Variants in LAPTM4B observed in about 807,000 individuals in gnomAD.
LAPTM4B encodes lysosomal-associated transmembrane protein 4B.
LAPTM4B carries 26 observed loss-of-function variants against 28.5 expected under a neutral mutation model. That is an observed-to-expected ratio of 0.91 (90% CI 0.67 to 1.27). The LOEUF is 1.27. Ranked by LOEUF, LAPTM4B falls within the 50% of genes most tolerant of loss-of-function variation. The pLI, the probability that LAPTM4B is intolerant of heterozygous loss-of-function variation, is 0.00. For missense variants in LAPTM4B, 288 were observed against 285.8 expected, an observed-to-expected ratio of 1.01 and a Z score of -0.06; for synonymous variants, 109 against 106.4, an observed-to-expected ratio of 1.02 and a Z score of -0.15.
intron 4 of LAPTM4B, 23 bp downstream of exon 4, chr8:97,816,203 C>A: frequency 6.3e-7 from 1 of 1,581,502 alleles, no homozygotes; most frequent in South Asian, 1.2e-5. Flanking sequence ...CTTACTGCTC[C>A]TTTTCATTAA....
chr8:97,818,579 AG>A (rs1816957702), intron 4 of LAPTM4B, among the ~76,000 whole-genome samples: 2 of 152,320 alleles, frequency 1.3e-5, no homozygotes, highest in South Asian at 4.1e-4. Context: ...CCACCCTGGA[AG>A]TACTTGCTAG....
rs75965377 is a variant in LAPTM4B at position 97,783,984 on chromosome 8, A to G, written c.99+7876A>G. On this transcript the variant is annotated intron_variant, in intron 1 of 6. Transcript: ENST00000521545. Reference sequence around the variant, plus strand: ...CTTCAGAAGTTGTAGAAGGGGGAGAATTTTCTTCACCCCTTCACAAGCCTG... The same window carrying G: ...CTTCAGAAGTTGTAGAAGGGGGAGAGTTTTCTTCACCCCTTCACAAGCCTG... Among the ~76,000 whole-genome samples, 861 of 152,130 alleles carry G rather than the reference A, an allele frequency of 5.7e-3. 28 individuals carry two copies. In the East Asian group the frequency reaches 0.079, roughly 14 times the overall value.
intron 1 of LAPTM4B, among the ~76,000 whole-genome samples, chr8:97,805,146 G>C (rs918796528): frequency 6.6e-6 from 1 of 152,120 alleles, no homozygotes; most frequent in Non-Finnish European, 1.5e-5. Context: ...TTGTGCACTT[G>C]GCTGCAACTG....
intron 6 of LAPTM4B, among the ~76,000 whole-genome samples, chr8:97,849,831 C>T (rs1817494050): frequency 6.6e-6 from 1 of 151,708 alleles, no homozygotes; most frequent in Non-Finnish European, 1.5e-5. Flanking sequence ...TGCCCGCCCC[C>T]GGTTCCTGTG....
intron 1 of LAPTM4B, among the ~76,000 whole-genome samples, chr8:97,789,003 ATTTTTT>A (rs1228247555): frequency 1.3e-5 from 2 of 150,976 alleles, no homozygotes; most frequent in East Asian, 3.9e-4. Context: ...CCTGACAGCC[ATTTTTT>A]TGGAAAACAT....
chr8:97,803,017 G>A (rs1015334118), intron 1 of LAPTM4B, among the ~76,000 whole-genome samples: 8 of 151,762 alleles, frequency 5.3e-5, no homozygotes, highest in African/African-American at 1.2e-4. Context: ...TGACCAAGAC[G>A]GTGAAACCCC....
chr8:97,791,196 A>G (rs138673017), intron 1 of LAPTM4B, among the ~76,000 whole-genome samples: 5 of 152,194 alleles, frequency 3.3e-5, no homozygotes, highest in African/African-American at 1.2e-4. Context: ...ATGAGCCACC[A>G]TGCCTGGTTG....
intron 6 of LAPTM4B, among the ~76,000 whole-genome samples, chr8:97,842,201 T>C (rs1012845631): frequency 1.3e-5 from 2 of 151,442 alleles, no homozygotes; most frequent in Non-Finnish European, 3.0e-5. Context: ...TTGAATTTCA[T>C]ATGATTTTCA....
intron 5 of LAPTM4B, among the ~76,000 whole-genome samples, chr8:97,823,141 C>T (rs1414323878): frequency 1.3e-5 from 2 of 151,902 alleles, no homozygotes; most frequent in Non-Finnish European, 2.9e-5. Context: ...ATGCCCGGCC[C>T]ACTAAATAGT....
At chr8:97,802,597 C>G (rs2129765125) in intron 1 of LAPTM4B, among the ~76,000 whole-genome samples, 1 of 152,244 alleles carries the variant, frequency 6.6e-6, no homozygotes, top group East Asian at 1.9e-4. Context: ...TTGCACCGAC[C>G]TCCTATCTCA....
chr8:97,845,457 A>G (rs1281808357), intron 6 of LAPTM4B, among the ~76,000 whole-genome samples: 2 of 151,952 alleles, frequency 1.3e-5, no homozygotes, highest in Non-Finnish European at 2.9e-5. Context: ...GTTTGATTCT[A>G]TAAGACACTT....
chr8:97,804,793 C>T (rs202181421), intron 1 of LAPTM4B, among the ~76,000 whole-genome samples: 1 of 137,892 alleles, frequency 7.3e-6, no homozygotes, highest in African/African-American at 2.8e-5. Context: ...GACAGGACTA[C>T]TGGCCTGGCC....
At chr8:97,783,344 C>T (rs1400145808) in intron 1 of LAPTM4B, among the ~76,000 whole-genome samples, 1 of 151,892 alleles carries the variant, frequency 6.6e-6, no homozygotes. Flanking sequence ...TTCAAAGAAT[C>T]CACTTGTTCA....
At chr8:97,812,193 A>G (rs67277810) in intron 2 of LAPTM4B, among the ~76,000 whole-genome samples, 63,050 of 142,136 alleles carry the variant, frequency 0.44, 14,980 homozygotes, top group East Asian at 0.57. Flanking sequence ...AAGGATAAGT[A>G]AATTAATTAT....
intron 2 of LAPTM4B, 154 bp from the exon 3 acceptor site, chr8:97,815,174 C>T (rs746255369): frequency 2.4e-4 from 149 of 624,154 alleles, no homozygotes; most frequent in Non-Finnish European, 3.5e-4. Context: ...AACCAATATC[C>T]CTTTTTCTAT....
intron 6 of LAPTM4B, among the ~76,000 whole-genome samples, chr8:97,830,920 T>A (rs1586341146): frequency 6.6e-6 from 1 of 152,046 alleles, no homozygotes; most frequent in Non-Finnish European, 1.5e-5. Context: ...AGAGGGCTGG[T>A]GTCTGGAATG....
At chr8:97,794,059 A>T (rs1816544917) in intron 1 of LAPTM4B, among the ~76,000 whole-genome samples, 1 of 152,150 alleles carries the variant, frequency 6.6e-6, no homozygotes, top group Non-Finnish European at 1.5e-5. Context: ...GCCTCACTGC[A>T]GCCTCTGCCT....
chr8:97,834,642 C>G (rs1300789193), intron 6 of LAPTM4B, among the ~76,000 whole-genome samples: 1 of 151,970 alleles, frequency 6.6e-6, no homozygotes, highest in Non-Finnish European at 1.5e-5. Context: ...TGATCATGCA[C>G]CTGGGCCTCA....
At chr8:97,825,355 T>G (rs1817076096) in intron 6 of LAPTM4B, among the ~76,000 whole-genome samples, 2 of 152,348 alleles carry the variant, frequency 1.3e-5, no homozygotes, top group Admixed American at 6.5e-5. Context: ...TTACAGGATA[T>G]TAAAATGTAG....
Sources: gnomAD v4.1 joint callset for allele counts (sites outside exome capture counted in the v4.1 genomes callset) on GRCh38, gnomAD v4.1.1 for gene constraint, MANE v1.5 for transcripts, NCBI Gene and HGNC (gene_info 2026-07-23, HGNC 2026-07-21) for gene names.